The following RHCE variants were observed in gnomAD, a reference collection of about 807,000 sequenced individuals.
The protein encoded by RHCE is Rh blood group CcEe antigens.
Under a neutral mutation model 43.8 loss-of-function variants are expected in RHCE, and 22 were observed. The observed-to-expected ratio is 0.50, with a 90% CI of 0.36 to 0.72. The LOEUF (loss-of-function observed/expected upper bound fraction) is 0.72, where lower values mean the gene tolerates loss of function less well. Ranked by LOEUF, RHCE falls within the 30% of genes least tolerant of loss-of-function variation. RHCE has a pLI of 0.00. For missense variants in RHCE, 385 were observed against 525.4 expected (o/e 0.73, Z 2.61); for synonymous variants, 156 against 210.7 (o/e 0.74, Z 2.25).
rs1356822086 is a variant in RHCE at position 25,387,378 on chromosome 1, T to C, written c.940-1534A>G. On this transcript the variant is annotated intron_variant, in intron 6 of 9. Transcript: ENST00000294413. ...GTAGCTGTTCTCACACTGTATTCTG[T>C]GTATCCATTTCGCTCACTAAACTAT... Among the ~76,000 whole-genome samples the C allele has an allele frequency of 3.9e-5, 6 of 152,324 alleles. 1 individual carries two copies. The highest frequency in any genetic ancestry group is 3.9e-4 in the Admixed American group (6 of 15,300).
Position 25,409,588 on chromosome 1 carries a change from CCA to C in RHCE, c.149-721_149-720del, listed in dbSNP as rs1304574800. Among the ~76,000 whole-genome samples the C allele has an allele frequency of 1.6e-5, 2 of 123,622 alleles. 1 individual carries two copies. The highest frequency in any genetic ancestry group is 3.7e-5 in the Non-Finnish European group (2 of 54,092). 81.1% of individuals were successfully genotyped at this position (123,622 alleles called of 152,430 possible). ...GGAGGGTGAGCACTTTGGTTTAATTCCAGTTTTGAAAAAGGGTTAGCAGCTTG... is the reference window on the plus strand; with the variant it reads ...GGAGGGTGAGCACTTTGGTTTAATTCGTTTTGAAAAAGGGTTAGCAGCTTG... On this transcript the variant is annotated intron_variant, in intron 1 of 9. Transcript: ENST00000294413.
At chr1:25,378,406 C>T (rs1287800919) in intron 7 of RHCE, among the ~76,000 whole-genome samples, 1 of 152,212 alleles carries the variant, frequency 6.6e-6, no homozygotes, top group Non-Finnish European at 1.5e-5. Flanking sequence ...TAGCTCCAAA[C>T]TGGAAACTAC....
At chr1:25,419,095 C>T (rs982193519) in intron 1 of RHCE, among the ~76,000 whole-genome samples, 2 of 152,192 alleles carry the variant, frequency 1.3e-5, no homozygotes, top group East Asian at 1.9e-4. Context: ...GGGCAAATTA[C>T]TCAACATCCA....
intron 3 of RHCE, among the ~76,000 whole-genome samples, chr1:25,401,145 C>T (rs905644985): frequency 2.6e-5 from 4 of 152,144 alleles, no homozygotes; most frequent in African/African-American, 9.7e-5. Context: ...ATCCAAAGTC[C>T]TTTGGGATAC....
chr1:25,427,287 C>T (rs2124558736), intron 2 of RHCE, among the ~76,000 whole-genome samples: 1 of 152,262 alleles, frequency 6.6e-6, no homozygotes, highest in South Asian at 2.1e-4. Flanking sequence ...CAGCTGAAGC[C>T]CAAGTGCAAA....
At chr1:25,396,206 C>A (rs1646530182) in intron 3 of RHCE, among the ~76,000 whole-genome samples, 1 of 152,170 alleles carries the variant, frequency 6.6e-6, no homozygotes, top group South Asian at 2.1e-4. Flanking sequence ...ATGTCAAGGT[C>A]ATGAAAGATA....
chr1:25,385,274 C>T (rs1231831621), intron 7 of RHCE, among the ~76,000 whole-genome samples: 1 of 152,206 alleles, frequency 6.6e-6, no homozygotes, highest in Admixed American at 6.5e-5. Flanking sequence ...TCCCAACAGC[C>T]CTGTGAGGGG....
chr1:25,411,229 G>C (rs1557639162), intron 1 of RHCE: 1 of 1,376,384 alleles, frequency 7.3e-7, no homozygotes, highest in Non-Finnish European at 9.7e-7. Flanking sequence ...GAGGTTTCTG[G>C]GACATCCGAA....
intron 8 of RHCE, 62 bp from the exon 9 acceptor site, chr1:25,370,602 T>TAATCAAAATATTGTGTGTGTC (rs1645577465): frequency 1.4e-6 from 2 of 1,409,054 alleles, no homozygotes; most frequent in Non-Finnish European, 2.0e-6. Flanking sequence ...ATCTCAAGAT[T>TAATCAAAATATTGTGTGTGTC]AATCAAAATA....
intron 7 of RHCE, among the ~76,000 whole-genome samples, chr1:25,383,791 G>T (rs1006765177): frequency 1.2e-4 from 18 of 152,138 alleles, no homozygotes; most frequent in African/African-American, 4.1e-4. Context: ...TAGGCTCAGT[G>T]GGCTGATTGT....
intron 3 of RHCE, among the ~76,000 whole-genome samples, chr1:25,397,284 G>C (rs886586495): frequency 3.3e-5 from 5 of 149,390 alleles, no homozygotes; most frequent in African/African-American, 1.2e-4. Context: ...ATCACCTGAG[G>C]TCAGGAGTTT....
At chr1:25,412,672 A>G (rs2124517292) in intron 1 of RHCE, among the ~76,000 whole-genome samples, 1 of 146,722 alleles carries the variant, frequency 6.8e-6, no homozygotes, top group Admixed American at 7.1e-5. Context: ...CGATCACATC[A>G]CTATACTCCA....
chr1:25,402,491 G>T (rs1349600853), intron 3 of RHCE, 105 bp downstream of exon 3: 1 of 1,558,180 alleles, frequency 6.4e-7, no homozygotes, highest in Admixed American at 1.7e-5. Context: ...CTCCCAAGTA[G>T]CTGGGATTAC....
At chr1:25,374,548 A>T (rs1401583149) in intron 8 of RHCE, among the ~76,000 whole-genome samples, 3 of 147,328 alleles carry the variant, frequency 2.0e-5, no homozygotes, top group Non-Finnish European at 3.0e-5. Flanking sequence ...CCTCACTACC[A>T]TTCTGCCCTC....
chr1:25,428,669 CTG>C (rs1473527048), intron 2 of RHCE, among the ~76,000 whole-genome samples: 2 of 152,222 alleles, frequency 1.3e-5, no homozygotes, highest in Middle Eastern at 3.2e-3. Flanking sequence ...TGGAAACAGA[CTG>C]TGAGAGATTT....
intron 7 of RHCE, among the ~76,000 whole-genome samples, chr1:25,379,483 ATATATATATATATTTTTTTTTTTTTTTT>A (rs1439732433): frequency 4.6e-4 from 9 of 19,466 alleles, no homozygotes; most frequent in African/African-American, 3.3e-3. Context: ...ATATATATAT[ATATATATATATATTTTTTTTTTTTTTTT>A]TTTTTTTTTT....
At position 25,378,484 on chromosome 1, in the gene RHCE, T is replaced by G. The variant is rs146763923; in HGVS notation, c.1074-3056A>C. Among the ~76,000 whole-genome samples the G allele has an allele frequency of 4.9e-3, 742 of 152,376 alleles. 6 individuals carry two copies. The highest frequency in any genetic ancestry group is 0.017 in the African/African-American group (708 of 41,592). ...CACACAATGGAACACTTGTTCCAACTATCTTTTCTTAGATTCTCGATTTGT... is the reference window on the plus strand; with the variant it reads ...CACACAATGGAACACTTGTTCCAACGATCTTTTCTTAGATTCTCGATTTGT... On this transcript the variant is annotated intron_variant, in intron 7 of 9. Transcript: ENST00000294413.
rs748337019 is a variant in RHCE at position 25,362,453 on chromosome 1, G to A, written c.*74C>T. ...CTTTGCTGTCATGAGCGTTTCTCAC[G>A]TACAAATGCAGGCAACAGTGAGAGG... On this transcript the variant is annotated 3_prime_UTR_variant, in exon 10 of 10. Transcript: ENST00000294413. 8 of 1,612,828 alleles carry A rather than the reference G, an allele frequency of 5.0e-6. No homozygotes were observed. The highest frequency in any genetic ancestry group is 2.7e-5 in the African/African-American group (2 of 74,938).
At chr1:25,406,893 G>A (rs1359053601) in intron 2 of RHCE, among the ~76,000 whole-genome samples, 4 of 106,966 alleles carry the variant, frequency 3.7e-5, no homozygotes, top group Non-Finnish European at 6.4e-5. Flanking sequence ...CCAAAGTGCT[G>A]GGATTACAGG....
Sources: allele counts gnomAD v4.1 joint callset (sites outside exome capture counted in the v4.1 genomes callset), GRCh38; gene constraint gnomAD v4.1.1; transcripts MANE v1.5; gene names NCBI Gene and HGNC (gene_info 2026-07-23, HGNC 2026-07-21).